Variants in NYAP2 observed in about 807,000 individuals in gnomAD.
NYAP2 encodes neuronal tyrosine-phosphorylated phosphoinositide-3-kinase adapter 2.
In NYAP2, 23 loss-of-function variants were observed where a neutral mutation model predicts 50.4. The ratio of observed to expected loss-of-function variants is 0.46; its 90% CI spans 0.33 to 0.65. The LOEUF (loss-of-function observed/expected upper bound fraction) is 0.65. Ranked by LOEUF, NYAP2 falls within the 30% of genes least tolerant of loss-of-function variation. The pLI is 0.02. For synonymous variants in NYAP2, 394 were observed against 365.2 expected (o/e 1.08, Z -0.90); for missense variants, 885 against 861.0 (o/e 1.03, Z -0.35).
In NYAP2 at chr2:225,566,183, G is replaced by A. The variant is rs908305884; in HGVS notation, c.524-15758G>A. ...CAAATAAAGCATTTGATAAATAGTG[G>A]CTATTATTATGCATTATTATCATTA... On this transcript the variant is annotated intron_variant, in intron 4 of 6. Coordinates refer to ENST00000636099, the Ensembl canonical transcript of NYAP2. 3.9e-5 allele frequency among the ~76,000 whole-genome samples: 6 copies of A among 152,026 alleles called. No homozygotes were observed. The East Asian group carries it at 1.2e-3, about 29-fold the overall frequency.
At chr2:225,563,788 A>ATTT in intron 4 of NYAP2, among the ~76,000 whole-genome samples, 1 of 152,278 alleles carries the variant, frequency 6.6e-6, no homozygotes, top group East Asian at 1.9e-4. Context: ...AATTAGTTTT[A>ATTT]GAGTGATTTC....
intron 6 of NYAP2, among the ~76,000 whole-genome samples, chr2:225,641,984 A>G (rs1352013310): frequency 6.6e-6 from 1 of 152,174 alleles, no homozygotes; most frequent in African/African-American, 2.4e-5. Context: ...GAATAATTCA[A>G]TCAATAAATG....
intron 4 of NYAP2, among the ~76,000 whole-genome samples, chr2:225,553,978 C>G (rs1251804073): frequency 6.6e-6 from 1 of 152,040 alleles, no homozygotes; most frequent in Non-Finnish European, 1.5e-5. Flanking sequence ...CGAGTTTGCC[C>G]CATTGCACTC....
chr2:225,442,250 A>AATT (rs1290625219), intron 3 of NYAP2, among the ~76,000 whole-genome samples: 1 of 152,172 alleles, frequency 6.6e-6, no homozygotes, highest in African/African-American at 2.4e-5. Flanking sequence ...GGCACAAAAG[A>AATT]AAAAACTGGC....
chr2:225,584,482 C>T (rs1692355880), intron 5 of NYAP2, among the ~76,000 whole-genome samples: 1 of 152,198 alleles, frequency 6.6e-6, no homozygotes, highest in Non-Finnish European at 1.5e-5. Context: ...ATTTCTTTCT[C>T]TTATTTAAAA....
At chr2:225,650,307 C>T (rs766958638) in intron 6 of NYAP2, among the ~76,000 whole-genome samples, 37 of 152,194 alleles carry the variant, frequency 2.4e-4, no homozygotes, top group Non-Finnish European at 3.5e-4. Flanking sequence ...ACCTCCCCAG[C>T]GTGAGCAACA....
intron 4 of NYAP2, among the ~76,000 whole-genome samples, chr2:225,525,725 G>T (rs1574658718): frequency 6.6e-6 from 1 of 152,092 alleles, no homozygotes; most frequent in Non-Finnish European, 1.5e-5. Flanking sequence ...CACAGATCTT[G>T]GTTTCATATC....
At chr2:225,542,490 A>C (rs979271260) in intron 4 of NYAP2, among the ~76,000 whole-genome samples, 10 of 152,220 alleles carry the variant, frequency 6.6e-5, no homozygotes, top group Middle Eastern at 6.8e-3. Context: ...GGAATGTTGA[A>C]TTTTATCAAA....
At chr2:225,648,679 T>G (rs150729278) in intron 6 of NYAP2, among the ~76,000 whole-genome samples, 1 of 152,296 alleles carries the variant, frequency 6.6e-6, no homozygotes, top group East Asian at 1.9e-4. Flanking sequence ...GTGATGTTTC[T>G]ACTATACATA....
chr2:225,567,015 T>C (rs1344502852), intron 4 of NYAP2, among the ~76,000 whole-genome samples: 1 of 152,122 alleles, frequency 6.6e-6, no homozygotes, highest in East Asian at 1.9e-4. Context: ...GCAATTTCGT[T>C]GTCATGGGAA....
intron 6 of NYAP2, among the ~76,000 whole-genome samples, chr2:225,635,187 G>A (rs1056283321): frequency 6.6e-6 from 1 of 152,134 alleles, no homozygotes; most frequent in Non-Finnish European, 1.5e-5. Flanking sequence ...ATGCAGAATT[G>A]GGCAGCAGGA....
At position 225,613,309 on chromosome 2, in the gene NYAP2, A is replaced by G. The variant is rs187711747; in HGVS notation, c.1619-13608A>G. On this transcript the variant is annotated intron_variant, in intron 5 of 6. Transcript: ENST00000636099. ...GGCAGGAAGCACCCAGACCAGAGAA[A>G]GATGAAAGCCAGAAGACTCATCAAG... is the stretch of plus-strand genomic sequence containing the variant. 1.1e-4 allele frequency among the ~76,000 whole-genome samples: 16 copies of G among 152,280 alleles called. No individual in the cohort carries two copies. The East Asian group carries it at 1.7e-3, about 17-fold the overall frequency.
chr2:225,498,600 T>C (rs1179975633), intron 3 of NYAP2, among the ~76,000 whole-genome samples: 1 of 151,580 alleles, frequency 6.6e-6, no homozygotes, highest in Non-Finnish European at 1.5e-5. Context: ...AATGAATGCA[T>C]TATTGCTAGG....
At chr2:225,703,527 CT>C in the NYAP2 span, 1 of 151,606 alleles carries the variant, frequency 6.6e-6, no homozygotes, top group African/African-American at 2.4e-5. Context: ...TTTGATACTA[CT>C]AAAGTAACCA....
At chr2:225,689,670 T>C in the NYAP2 span, among the ~76,000 whole-genome samples, 84 of 152,152 alleles carry the variant, frequency 5.5e-4, no homozygotes, top group African/African-American at 2.0e-3. Context: ...TAATTTTTCA[T>C]AAAACATGTG....
chr2:225,675,249 A>G, the NYAP2 span, among the ~76,000 whole-genome samples: 1 of 152,042 alleles, frequency 6.6e-6, no homozygotes, highest in Non-Finnish European at 1.5e-5. Flanking sequence ...CCAAGGCAGT[A>G]AGCATAGTAC....
intron 3 of NYAP2, among the ~76,000 whole-genome samples, chr2:225,432,286 G>A (rs898131037): frequency 1.3e-5 from 2 of 150,716 alleles, no homozygotes; most frequent in East Asian, 1.9e-4. Flanking sequence ...GTGAGCCACC[G>A]TACCCGGCCA....
At chr2:225,470,628 G>A (rs1689997899) in intron 3 of NYAP2, among the ~76,000 whole-genome samples, 1 of 152,142 alleles carries the variant, frequency 6.6e-6, no homozygotes, top group Admixed American at 6.5e-5. Flanking sequence ...ACAGAATACA[G>A]GAAATTATAC....
At chr2:225,636,751 C>T (rs1693425819) in intron 6 of NYAP2, among the ~76,000 whole-genome samples, 3 of 152,170 alleles carry the variant, frequency 2.0e-5, no homozygotes, top group African/African-American at 7.2e-5. Context: ...TGAATGCTTT[C>T]ATGGCTCTTT....
Sources: gnomAD v4.1 joint callset for allele counts (sites outside exome capture counted in the v4.1 genomes callset) on GRCh38, gnomAD v4.1.1 for gene constraint, MANE v1.5 for transcripts, NCBI Gene and HGNC (gene_info 2026-07-23, HGNC 2026-07-21) for gene names.